MGLL: variants seen among roughly 807,000 people sequenced by gnomAD.
The protein encoded by MGLL is lysophospholipase homolog.
A neutral mutation model predicts 29.1 loss-of-function variants in MGLL; 7 were observed. That is an observed-to-expected ratio of 0.24 (90% CI 0.14 to 0.45). MGLL has a LOEUF of 0.45. Ranked by LOEUF, MGLL falls within the 20% of genes least tolerant of loss-of-function variation. MGLL has a pLI of 0.99. For synonymous variants in MGLL, 148 were observed against 168.3 expected (o/e 0.88, Z 0.93); for missense variants, 356 against 413.6 (o/e 0.86, Z 1.21).
intron 6 of MGLL, among the ~76,000 whole-genome samples, chr3:127,697,346 T>C (rs2075388473): frequency 6.6e-6 from 1 of 152,220 alleles, no homozygotes; most frequent in Admixed American, 6.5e-5. Flanking sequence ...ATAAAAGTAA[T>C]AATAGCTACA....
chr3:127,772,407 G>A (rs2076964950), intron 3 of MGLL, among the ~76,000 whole-genome samples: 1 of 152,228 alleles, frequency 6.6e-6, no homozygotes, highest in Non-Finnish European at 1.5e-5. Context: ...ACTTGCCAAG[G>A]CCACACAGCA....
intron 3 of MGLL, 93 bp downstream of exon 3, chr3:127,781,696 T>A (rs991490208): frequency 2.6e-6 from 3 of 1,138,784 alleles, no homozygotes; most frequent in Non-Finnish European, 4.0e-6. Flanking sequence ...AATAGAAGAA[T>A]TGAGAAGGAT....
intron 3 of MGLL, among the ~76,000 whole-genome samples, chr3:127,726,184 G>GA (rs749672396): frequency 1.6e-5 from 1 of 63,294 alleles, no homozygotes; most frequent in Admixed American, 1.8e-4. Flanking sequence ...AAGAAAGAAA[G>GA]AAAAGAAAAG....
rs759165153 is a variant in MGLL, at chr3:127,715,814, G to A, written c.511-5149C>T. 4.3e-4 allele frequency: 195 copies of A among 456,756 alleles called. 1 individual carries two copies. Among genetic ancestry groups the A allele is most frequent in the Middle Eastern group, 9.8e-4 (3 of 3,076 alleles). 28.3% of individuals were successfully genotyped at this position (456,756 alleles called of 1,614,324 possible). On this transcript the variant is annotated intron_variant, in intron 5 of 7. Transcript: ENST00000265052. ...TCTCCCACAACCTCCATCCTGAGCT[G>A]TGAGCACACCAGGGAAGCCTCAGAG...
At chr3:127,759,940 T>C (rs2076733414) in intron 3 of MGLL, among the ~76,000 whole-genome samples, 1 of 152,204 alleles carries the variant, frequency 6.6e-6, no homozygotes, top group Admixed American at 6.5e-5. Flanking sequence ...ATCCAGCACT[T>C]CTCCACGACT....
At chr3:127,792,798 G>C (rs568689244) in intron 2 of MGLL, among the ~76,000 whole-genome samples, 1 of 152,138 alleles carries the variant, frequency 6.6e-6, no homozygotes, top group Admixed American at 6.5e-5. Context: ...CCTCTCCTGC[G>C]TGTGCATGTT....
In MGLL at chr3:127,801,255, T is replaced by C. The variant is rs56736153; in HGVS notation, c.156-19360A>G. 7.4e-3 allele frequency among the ~76,000 whole-genome samples: 1,029 copies of C among 138,724 alleles called. 11 individuals are homozygous for C. Among genetic ancestry groups the C allele is most frequent in the African/African-American group, 0.027 (974 of 36,136 alleles). 91.0% of individuals were successfully genotyped at this position (138,724 alleles called of 152,430 possible). ...AAGTGGAGGTTGCAGTGAGCCGAGA[T>C]AGCGCCATTGCACTCCAGCCTGGGC... On this transcript the variant is annotated intron_variant, in intron 2 of 7. Coordinates refer to ENST00000265052, the MANE Select transcript of MGLL (RefSeq NM_007283.7).
chr3:127,694,301 A>ATGTATGTGTG (rs1559902103), intron 7 of MGLL, among the ~76,000 whole-genome samples: 6 of 127,736 alleles, frequency 4.7e-5, no homozygotes, highest in African/African-American at 1.7e-4. Context: ...ATATATATAT[A>ATGTATGTGTG]TATATATGTA....
intron 3 of MGLL, among the ~76,000 whole-genome samples, chr3:127,743,935 ACT>A (rs1164172113): frequency 6.6e-6 from 1 of 152,154 alleles, no homozygotes; most frequent in African/African-American, 2.4e-5. Context: ...CTACCACTGC[ACT>A]GAGTTACCTT....
At chr3:127,820,335 G>T (rs1415360537) in intron 2 of MGLL, among the ~76,000 whole-genome samples, 1 of 152,158 alleles carries the variant, frequency 6.6e-6, no homozygotes, top group Non-Finnish European at 1.5e-5. Flanking sequence ...CAGGCGAAGG[G>T]AGGGCAGGGC....
At chr3:127,721,271 C>T in intron 4 of MGLL, 108 bp from the exon 5 acceptor site, 2 of 913,312 alleles carry the variant, frequency 2.2e-6, no homozygotes, top group South Asian at 1.4e-5. Flanking sequence ...TGGCCAAGAG[C>T]CCTGAGGAGG....
rs1211052527 is a variant in MGLL at position 127,710,637 on chromosome 3, A to G, written c.539T>C (p.Val180Ala). The change falls in exon 6 of 8, where the codon GTG becomes GCG. Residue 180 changes from valine (V) to alanine (A), a missense_variant. Transcript: ENST00000265052. Reference protein sequence around the residue: ...KVLAAKVLNLVLPNLSLGPID... With the variant: ...KVLAAKVLNLALPNLSLGPID... The stretch of plus-strand genomic sequence containing the variant: ...GGGCCCGAGGGACAAGTTTGGCAGC[A>G]CAAGGTTGAGCACTTTCGCAGCAAG... 1.3e-6 allele frequency: 2 copies of G among 1,573,890 alleles called. No homozygotes were observed. The highest frequency in any genetic ancestry group is 2.7e-5 in the African/African-American group (2 of 74,298).
chr3:127,776,498 C>T (rs527655868), intron 3 of MGLL, among the ~76,000 whole-genome samples: 5 of 152,334 alleles, frequency 3.3e-5, no homozygotes, highest in South Asian at 2.1e-4. Flanking sequence ...TCCCACTCTC[C>T]GACAAGACCC....
At chr3:127,811,449 T>A (rs971217606) in intron 2 of MGLL, among the ~76,000 whole-genome samples, 5 of 152,242 alleles carry the variant, frequency 3.3e-5, no homozygotes, top group Admixed American at 2.6e-4. Flanking sequence ...CTAAAGTTAC[T>A]CAGAGGCAGA....
chr3:127,774,124 G>GC lies in MGLL; in HGVS notation c.262+7664dup, dbSNP rs1416988382. Among the ~76,000 whole-genome samples the GC allele has an allele frequency of 4.6e-5, 7 of 152,310 alleles. No homozygotes were observed. The East Asian group carries it at 9.6e-4, about 21-fold the overall frequency. On this transcript the variant is annotated intron_variant, in intron 3 of 7. Coordinates refer to ENST00000265052, the MANE Select transcript of MGLL (RefSeq NM_007283.7). ...TCCTCCTTGGGCCCACAAGGCCCCT[G>GC]CCCATCACTGCTCACCTGCTGTTCT...
At chr3:127,818,262 CAA>C (rs1208003685) in intron 2 of MGLL, among the ~76,000 whole-genome samples, 1 of 152,178 alleles carries the variant, frequency 6.6e-6, no homozygotes, top group African/African-American at 2.4e-5. Flanking sequence ...TGCACCCGGC[CAA>C]TATTTTTAAG....
At chr3:127,822,578 C>T (rs918713694), upstream of MGLL, 3 of 532,318 alleles carry the variant, frequency 5.6e-6, no homozygotes, top group African/African-American at 2.0e-5. Flanking sequence ...TAGTTCATGT[C>T]ATCACTTTTC....
chr3:127,801,145 T>A (rs1241881707), intron 2 of MGLL, among the ~76,000 whole-genome samples: 1 of 150,252 alleles, frequency 6.7e-6, no homozygotes, highest in East Asian at 2.0e-4. Context: ...CTAGTAAAAA[T>A]ACAAAAACTA....
At chr3:127,736,657 C>G (rs1460777492) in intron 3 of MGLL, among the ~76,000 whole-genome samples, 2 of 152,236 alleles carry the variant, frequency 1.3e-5, no homozygotes, top group Admixed American at 6.5e-5. Flanking sequence ...GCCAGGCCAT[C>G]AGGCCTGCTA....
Sources: gnomAD v4.1 joint callset for allele counts (sites outside exome capture counted in the v4.1 genomes callset) on GRCh38, gnomAD v4.1.1 for gene constraint, MANE v1.5 for transcripts, NCBI Gene and HGNC (gene_info 2026-07-23, HGNC 2026-07-21) for gene names.